The following CD81 variants were observed in gnomAD, a reference collection of about 807,000 sequenced individuals.
The protein encoded by CD81 is CD81 antigen.
A neutral mutation model predicts 30.1 loss-of-function variants in CD81; 10 were observed. The ratio of observed to expected loss-of-function variants is 0.33; its 90% CI spans 0.21 to 0.56. The LOEUF (loss-of-function observed/expected upper bound fraction) is 0.56, where lower values mean the gene tolerates loss of function less well. Among genes scored for constraint, CD81 ranks in the 20% least tolerant of loss-of-function variants. The pLI, the probability that CD81 is intolerant of heterozygous loss-of-function variation, is 0.89. For missense variants in CD81, 263 were observed against 308.7 expected (o/e 0.85, Z 1.11); for synonymous variants, 147 against 126.4 (o/e 1.16, Z -1.10).
At chr11:2,395,298 C>A in intron 4 of CD81, 118 bp from the exon 5 acceptor site, 2 of 859,904 alleles carry the variant, frequency 2.3e-6, no homozygotes, top group Non-Finnish European at 3.9e-6. Context: ...TGGGGTCTAG[C>A]CTCGAAGCCA....
intron 7 of CD81, 26 bp downstream of exon 7, chr11:2,396,740 G>A (rs1445950802): frequency 6.2e-7 from 1 of 1,611,582 alleles, no homozygotes; most frequent in Non-Finnish European, 8.5e-7. Flanking sequence ...CGGAGGGCCT[G>A]CTCTCTGGGC....
chr11:2,376,225 A>T (rs535925365), upstream of CD81: 2 of 152,248 alleles, frequency 1.3e-5, no homozygotes, highest in South Asian at 4.1e-4. Flanking sequence ...CATCTGTGCC[A>T]GGGGGTTATC....
intron 2 of CD81, chr11:2,392,171 ACT>A (rs1849911503): frequency 6.6e-6 from 1 of 151,900 alleles, no homozygotes; most frequent in Non-Finnish European, 1.5e-5. Flanking sequence ...GGAAGGGGTC[ACT>A]CTCCAGGCAC....
Position 2,377,558 on chromosome 11 carries a change from G to C in CD81, c.9G>C (p.Val3=), listed in dbSNP as rs532332389. The part of the protein sequence containing the change: MG[V]EGCTKCIKYL... Reference sequence around the variant, plus strand: ...CCGCCGCCCGCGCCGCCATGGGAGTGGAGGGCTGCACCAAGTGCATCAAGT... The same window carrying C: ...CCGCCGCCCGCGCCGCCATGGGAGTCGAGGGCTGCACCAAGTGCATCAAGT... The change falls in exon 1 of 8, where the codon GTG becomes GTC. Residue 3 remains valine, a synonymous_variant. Coordinates refer to ENST00000263645, the MANE Select transcript of CD81 (RefSeq NM_004356.4). The surrounding 1 kb of genome is among the most constrained non-coding windows in gnomAD (Gnocchi z 7.7). 8.1e-5 allele frequency: 120 copies of C among 1,483,026 alleles called. 3 individuals are homozygous for C. In the South Asian group the frequency reaches 1.4e-3, roughly 18 times the overall value. The allele number at this position is 1,483,026 out of a possible 1,614,324, so 91.9% of individuals were successfully genotyped here. A position where few individuals can be genotyped will look rare whatever the true frequency, so the allele number is the denominator to read the frequency against.
At position 2,395,515 on chromosome 11, in the gene CD81, G is replaced by C. The variant is rs538164293; in HGVS notation, c.454G>C (p.Glu152Gln). 16 of 1,612,048 alleles carry C rather than the reference G, an allele frequency of 9.9e-6. No individual in the cohort carries two copies. Among genetic ancestry groups the C allele is most frequent in the East Asian group, 2.2e-5 (1 of 44,892 alleles). The change falls in exon 5 of 8, where the codon GAG (glutamate) becomes CAG (glutamine). Residue 152 changes from glutamate (E) to glutamine (Q), a missense_variant. By Grantham distance (29) the Glu-to-Gln change is conservative. Around this residue, in one of 3 missense-constraint regions of CD81, gnomAD observed 176 missense variants for 192.9 expected, o/e 0.91. Transcript: ENST00000263645. ...NAKAVVKTFHETLDCCGSSTL... is the reference protein window; with the variant it reads ...NAKAVVKTFHQTLDCCGSSTL... ...CAAGGCTGTGGTGAAGACCTTCCAC[G>C]AGACGGTGCGGCCCCGGGGGGCGAG...
At chr11:2,379,209 G>A (rs543136953) in intron 1 of CD81, 4 of 455,280 alleles carry the variant, frequency 8.8e-6, no homozygotes, top group Admixed American at 2.4e-5. Context: ...CTGACGAGGC[G>A]AGTGTGGACC....
chr11:2,394,852 G>A (rs1382450284), intron 3 of CD81, 120 bp from the exon 4 acceptor site: 5 of 884,252 alleles, frequency 5.7e-6, no homozygotes, highest in African/African-American at 1.6e-5. Context: ...TGGTCAGGTC[G>A]TGGGCTGGTG....
chr11:2,382,810 C>G (rs1849726174), intron 1 of CD81, among the ~76,000 whole-genome samples: 1 of 152,230 alleles, frequency 6.6e-6, no homozygotes, highest in African/African-American at 2.4e-5. Flanking sequence ...AGGCGAAGGA[C>G]CCAGGCCGAT....
Position 2,377,623 on chromosome 11 carries a change from C to T in CD81, c.66+8C>T. 1.3e-6 allele frequency: 2 copies of T among 1,533,980 alleles called. No homozygotes were observed. The highest frequency in any genetic ancestry group is 1.8e-6 in the Non-Finnish European group (2 of 1,134,192). ...TTCAATTTCGTCTTCTGGGTAAGGG[C>T]TGCGCCGGGGGCCGGGGCGGGAGGG... On this transcript the variant is annotated splice_region_variant and intron_variant, in intron 1 of 7. Transcript: ENST00000263645. The surrounding 1 kb of genome is among the most constrained non-coding windows in gnomAD (Gnocchi z 7.7).
rs544096337 is a variant in CD81 at position 2,395,593 on chromosome 11, A to G, written c.459+73A>G. On this transcript the variant is annotated intron_variant, in intron 5 of 7. Transcript: ENST00000263645. ...GCGGGGTGTGTCTCGTCCTGGATGA[A>G]TCCTGCCTACGCCCAGACCTCAGGA... 24 of 1,195,968 alleles carry G rather than the reference A, an allele frequency of 2.0e-5. No homozygotes were observed. In the South Asian group the frequency reaches 2.7e-4, roughly 13 times the overall value. 74.1% of individuals were successfully genotyped at this position (1,195,968 alleles called of 1,614,324 possible).
At chr11:2,383,229 C>CTGCCTTT in intron 1 of CD81, among the ~76,000 whole-genome samples, 1 of 152,300 alleles carries the variant, frequency 6.6e-6, no homozygotes, top group East Asian at 1.9e-4. Context: ...TCCCTCCATG[C>CTGCCTTT]TGCCTTTTCG....
In CD81 at chr11:2,393,907, A is replaced by C. The variant is rs773713404; in HGVS notation, c.182-188A>C. 15 of 702,842 alleles carry C rather than the reference A, an allele frequency of 2.1e-5. No individual in the cohort carries two copies. In the South Asian group the frequency reaches 2.2e-4, roughly 10 times the overall value. The allele number at this position is 702,842 out of a possible 1,614,324, so 43.5% of individuals were successfully genotyped here. A position where few individuals can be genotyped will look rare whatever the true frequency, so the allele number is the denominator to read the frequency against. On this transcript the variant is annotated intron_variant, in intron 2 of 7. Transcript: ENST00000263645. ...CTCCGTCCTGTGTCATGGAAGAGGTAACTGAGGCACAGAAAACTCACCAGG... is the reference window on the plus strand; with the variant it reads ...CTCCGTCCTGTGTCATGGAAGAGGTCACTGAGGCACAGAAAACTCACCAGG...
Position 2,395,066 on chromosome 11 carries a change from G to T in CD81, c.354+20G>T. On this transcript the variant is annotated intron_variant, in intron 4 of 7. Transcript: ENST00000263645. Reference sequence around the variant, plus strand: ...GACCAGGTGAGCCTGGGTGTGCAGGGACAGGGTGGGGTGGGTGACGGGGGC... The same window carrying T: ...GACCAGGTGAGCCTGGGTGTGCAGGTACAGGGTGGGGTGGGTGACGGGGGC... 2 of 1,558,986 alleles carry T rather than the reference G, an allele frequency of 1.3e-6. No homozygotes were observed. Among genetic ancestry groups the T allele is most frequent in the Non-Finnish European group, 1.8e-6 (2 of 1,133,800 alleles).
At chr11:2,390,036 G>C (rs779986169) in intron 1 of CD81, 4 of 370,358 alleles carry the variant, frequency 1.1e-5, no homozygotes, top group Admixed American at 3.7e-5. Context: ...TTGAACTTCA[G>C]ATAAACACCA....
chr11:2,396,782 G>A (rs1452449721), intron 7 of CD81, 22 bp from the exon 8 acceptor site: 13 of 1,612,260 alleles, frequency 8.1e-6, no homozygotes, highest in African/African-American at 2.7e-5. Context: ...TGCTGACTGC[G>A]CCCCCCACCA....
intron 3 of CD81, chr11:2,394,724 C>T: frequency 1.6e-6 from 1 of 606,434 alleles, no homozygotes; most frequent in South Asian, 1.9e-5. Context: ...CGCCCCGCCC[C>T]ATCCACCCCG....
intron 1 of CD81, chr11:2,386,575 T>C (rs544418800): frequency 1.4e-6 from 1 of 717,264 alleles, no homozygotes; most frequent in South Asian, 1.5e-5. Context: ...AGGTCCCTGC[T>C]GAAGGTCGGA....
At position 2,378,080 on chromosome 11, in the gene CD81, C is replaced by G. The variant is rs1458350897; in HGVS notation, c.66+465C>G. The G allele has an allele frequency of 6.6e-6, 1 of 152,146 alleles. No homozygotes were observed. Among genetic ancestry groups the G allele is most frequent in the East Asian group, 1.9e-4 (1 of 5,134 alleles). 9.4% of individuals were successfully genotyped at this position (152,146 alleles called of 1,614,324 possible). On this transcript the variant is annotated intron_variant, in intron 1 of 7. Coordinates refer to ENST00000263645, the MANE Select transcript of CD81 (RefSeq NM_004356.4). This position sits in a 1 kb window ranked among gnomAD's most constrained non-coding sequence, Gnocchi z 4.9. Reference sequence around the variant, plus strand: ...CATGAGCTCATCAAGAGCCGCCGCCCCTGGATGGTGGGGCGGGGGCGCACA... The same window carrying G: ...CATGAGCTCATCAAGAGCCGCCGCCGCTGGATGGTGGGGCGGGGGCGCACA...
chr11:2,385,068 C>T (rs1849767750), intron 1 of CD81, among the ~76,000 whole-genome samples: 2 of 152,136 alleles, frequency 1.3e-5, no homozygotes, highest in Non-Finnish European at 2.9e-5. Flanking sequence ...GCTGCTTGCC[C>T]CTGGGAAGCG....
Sources: gnomAD v4.1 joint callset for allele counts (sites outside exome capture counted in the v4.1 genomes callset) on GRCh38, gnomAD v4.1.1 for gene constraint, gnomAD v4.1.1 regional missense constraint, Gnocchi (gnomAD v3.1) non-coding constraint, MANE v1.5 for transcripts, NCBI Gene and HGNC (gene_info 2026-07-23, HGNC 2026-07-21) for gene names.